ZFPM2: variants seen among roughly 807,000 people sequenced by gnomAD.
The protein encoded by ZFPM2 is zinc finger protein ZFPM2.
In ZFPM2, 20 loss-of-function variants were observed where a neutral mutation model predicts 98.6. The observed-to-expected ratio is 0.20, with a 90% CI of 0.14 to 0.29. ZFPM2 has a LOEUF of 0.29. Among genes scored for constraint, ZFPM2 ranks in the 10% least tolerant of loss-of-function variants. ZFPM2 has a pLI of 1.00. For synonymous variants in ZFPM2, 518 were observed against 502.7 expected (o/e 1.03, Z -0.41); for missense variants, 1,310 against 1,388.6 (o/e 0.94, Z 0.90).
At chr8:105,607,177 T>C in intron 4 of ZFPM2, among the ~76,000 whole-genome samples, 1 of 152,172 alleles carries the variant, frequency 6.6e-6, no homozygotes, top group East Asian at 1.9e-4. Flanking sequence ...GGCTTACAAA[T>C]AGGTAACACC....
rs553686842 is a variant in ZFPM2, at chr8:105,376,638, C to A, written c.41-42506C>A. Reference sequence around the variant, plus strand: ...TTTCATCAACATACATCCAGTTTGTCTAAGTAAAAAAGCTGGGAGTTAGCA... The same window carrying A: ...TTTCATCAACATACATCCAGTTTGTATAAGTAAAAAAGCTGGGAGTTAGCA... On this transcript the variant is annotated intron_variant, in intron 1 of 7. Coordinates refer to ENST00000407775, the MANE Select transcript of ZFPM2 (RefSeq NM_012082.4). 2.6e-5 allele frequency among the ~76,000 whole-genome samples: 4 copies of A among 152,272 alleles called. No individual in the cohort carries two copies. In the East Asian group the frequency reaches 7.7e-4, roughly 29 times the overall value.
chr8:105,513,961 G>A (rs893727381), intron 3 of ZFPM2, among the ~76,000 whole-genome samples: 3 of 150,710 alleles, frequency 2.0e-5, no homozygotes, highest in Admixed American at 2.0e-4. Flanking sequence ...TGGATTTTTG[G>A]ATTATACTCA....
intron 4 of ZFPM2, among the ~76,000 whole-genome samples, chr8:105,587,518 G>A (rs1034238559): frequency 2.0e-5 from 3 of 151,942 alleles, no homozygotes; most frequent in Non-Finnish European, 4.4e-5. Flanking sequence ...AAAACCAAAG[G>A]AAAAAATATG....
At chr8:105,343,504 A>G (rs899891018) in intron 1 of ZFPM2, among the ~76,000 whole-genome samples, 7 of 152,156 alleles carry the variant, frequency 4.6e-5, no homozygotes, top group African/African-American at 1.7e-4. Context: ...TCCTATAGAA[A>G]AGGAATTAGC....
At chr8:105,715,446 A>AATGAAAAC (rs1432426171) in intron 5 of ZFPM2, among the ~76,000 whole-genome samples, 4 of 151,448 alleles carry the variant, frequency 2.6e-5, no homozygotes, top group African/African-American at 9.7e-5. Context: ...GGCAAAAGTC[A>AATGAAAAC]ATGAAAACAT....
chr8:105,591,662 T>C (rs1391011198), intron 4 of ZFPM2, among the ~76,000 whole-genome samples: 1 of 152,154 alleles, frequency 6.6e-6, no homozygotes, highest in Non-Finnish European at 1.5e-5. Flanking sequence ...AAAAATATAG[T>C]CATATTCATA....
intron 3 of ZFPM2, among the ~76,000 whole-genome samples, chr8:105,522,443 TTGTC>T (rs1162478850): frequency 1.3e-5 from 2 of 152,144 alleles, no homozygotes; most frequent in Admixed American, 1.3e-4. Context: ...TCAGCAGAGT[TTGTC>T]TGTATATTCT....
chr8:105,441,005 A>T (rs1179472773), intron 2 of ZFPM2, among the ~76,000 whole-genome samples: 1 of 151,996 alleles, frequency 6.6e-6, no homozygotes, highest in Non-Finnish European at 1.5e-5. Flanking sequence ...CAAAAAAAAA[A>T]TTAGCCAGGC....
At chr8:105,337,648 T>C (rs1006075185) in intron 1 of ZFPM2, among the ~76,000 whole-genome samples, 2 of 151,796 alleles carry the variant, frequency 1.3e-5, no homozygotes, top group African/African-American at 4.8e-5. Context: ...TGTGACCTTA[T>C]TAGTGACCTT....
intron 3 of ZFPM2, among the ~76,000 whole-genome samples, chr8:105,557,398 A>G (rs1465073601): frequency 6.6e-6 from 1 of 152,154 alleles, no homozygotes; most frequent in Non-Finnish European, 1.5e-5. Context: ...AGCTACTTTA[A>G]TATCAACATT....
At chr8:105,502,887 C>T (rs302958) in intron 3 of ZFPM2, among the ~76,000 whole-genome samples, 102,463 of 152,084 alleles carry the variant, frequency 0.67, 36,289 homozygotes, top group African/African-American at 0.89. Context: ...TCATCATCCA[C>T]AGGGGCCATA....
intron 2 of ZFPM2, among the ~76,000 whole-genome samples, chr8:105,429,586 A>G (rs898353913): frequency 6.6e-6 from 1 of 151,732 alleles, no homozygotes; most frequent in African/African-American, 2.4e-5. Context: ...GCCTCATTTA[A>G]TCTGTGCATT....
intron 3 of ZFPM2, among the ~76,000 whole-genome samples, chr8:105,479,481 A>G (rs910800031): frequency 6.6e-6 from 1 of 152,182 alleles, no homozygotes; most frequent in Non-Finnish European, 1.5e-5. Context: ...AAAATGTGCA[A>G]ATTCTTCCAA....
At chr8:105,523,500 C>T (rs985928751) in intron 3 of ZFPM2, among the ~76,000 whole-genome samples, 1 of 152,158 alleles carries the variant, frequency 6.6e-6, no homozygotes, top group East Asian at 1.9e-4. Flanking sequence ...GTGGTGGGAT[C>T]GTCAGTATGC....
chr8:105,404,891 A>G (rs1386675003), intron 1 of ZFPM2, among the ~76,000 whole-genome samples: 1 of 152,092 alleles, frequency 6.6e-6, no homozygotes, highest in African/African-American at 2.4e-5. Flanking sequence ...AAAAATACAG[A>G]TAATGATTTC....
intron 6 of ZFPM2, chr8:105,796,012 T>C (rs1454639871): frequency 5.0e-6 from 1 of 198,382 alleles, no homozygotes; most frequent in Non-Finnish European, 1.0e-5. Flanking sequence ...ATAAAATATT[T>C]AACTGTAATT....
chr8:105,523,479 C>A (rs1317113046), intron 3 of ZFPM2, among the ~76,000 whole-genome samples: 1 of 152,176 alleles, frequency 6.6e-6, no homozygotes, highest in Non-Finnish European at 1.5e-5. Context: ...CAACACCTCC[C>A]CAACCAGTGA....
intron 3 of ZFPM2, among the ~76,000 whole-genome samples, chr8:105,524,799 T>G (rs1487773543): frequency 6.6e-6 from 1 of 152,140 alleles, no homozygotes; most frequent in East Asian, 1.9e-4. Flanking sequence ...GTCAACTTTC[T>G]TTTACGGCTC....
At chr8:105,378,141 A>G (rs1346734581) in intron 1 of ZFPM2, among the ~76,000 whole-genome samples, 1 of 152,182 alleles carries the variant, frequency 6.6e-6, no homozygotes, top group African/African-American at 2.4e-5. Flanking sequence ...AATTAAGAAA[A>G]TTAAATGGAA....
Sources: allele counts gnomAD v4.1 joint callset (sites outside exome capture counted in the v4.1 genomes callset), GRCh38; gene constraint gnomAD v4.1.1; transcripts MANE v1.5; gene names NCBI Gene and HGNC (gene_info 2026-07-23, HGNC 2026-07-21).